Variants in BCKDHB observed in about 807,000 individuals in gnomAD.
The protein encoded by BCKDHB is branched chain keto acid dehydrogenase E1 subunit beta, also known as 2-oxoisovalerate dehydrogenase subunit beta, mitochondrial.
Under a neutral mutation model 48.5 loss-of-function variants are expected in BCKDHB, and 41 were observed. The ratio of observed to expected loss-of-function variants is 0.85; its 90% CI spans 0.66 to 1.10. BCKDHB has a LOEUF of 1.10. Among genes scored for constraint, BCKDHB ranks in the 50% least tolerant of loss-of-function variants. The pLI is 0.00. For synonymous variants in BCKDHB, 201 were observed against 174.8 expected (o/e 1.15, Z -1.18); for missense variants, 496 against 494.2 (o/e 1.00, Z -0.03).
downstream of BCKDHB, among the ~76,000 whole-genome samples, chr6:80,346,526 A>G (rs1244175192): frequency 3.3e-5 from 5 of 151,960 alleles, no homozygotes; most frequent in Non-Finnish European, 5.9e-5. Flanking sequence ...TCACCTCCCC[A>G]GTGTGTGGTG....
chr6:80,117,245 C>G (rs183052056), intron 1 of BCKDHB, among the ~76,000 whole-genome samples: 1 of 152,126 alleles, frequency 6.6e-6, no homozygotes, highest in Non-Finnish European at 1.5e-5. Context: ...CCTTTAAATA[C>G]CCTTACTGGT....
the BCKDHB span, among the ~76,000 whole-genome samples, chr6:80,463,418 A>G: frequency 6.6e-6 from 1 of 152,204 alleles, no homozygotes; most frequent in African/African-American, 2.4e-5. Context: ...GGTAGACTTC[A>G]AACAGGCTCA....
chr6:80,369,613 C>A, the BCKDHB span, among the ~76,000 whole-genome samples: 2 of 152,198 alleles, frequency 1.3e-5, no homozygotes, highest in East Asian at 3.8e-4. Flanking sequence ...GCCTTCTTGC[C>A]TGACTATGGT....
At chr6:80,198,977 A>G (rs566650685) in intron 6 of BCKDHB, among the ~76,000 whole-genome samples, 4 of 152,316 alleles carry the variant, frequency 2.6e-5, no homozygotes, top group East Asian at 1.9e-4. Context: ...TGAATCCTTG[A>G]TACTACTAAG....
At chr6:80,274,789 A>AT (rs1054139858) in intron 9 of BCKDHB, among the ~76,000 whole-genome samples, 3 of 152,064 alleles carry the variant, frequency 2.0e-5, no homozygotes, top group Non-Finnish European at 4.4e-5. Flanking sequence ...TTAATACAAC[A>AT]TTTTTTTAGA....
chr6:80,290,200 G>T (rs141584308), intron 9 of BCKDHB, among the ~76,000 whole-genome samples: 109 of 152,280 alleles, frequency 7.2e-4, no homozygotes, highest in African/African-American at 2.6e-3. Context: ...CAAGATCTGT[G>T]GCCAGCACTC....
At chr6:80,227,329 A>C (rs627968) in intron 8 of BCKDHB, among the ~76,000 whole-genome samples, 132,427 of 152,192 alleles carry the variant, frequency 0.87, 57,880 homozygotes, top group East Asian at 0.99. Flanking sequence ...TAGTCACTTA[A>C]ACCCTTAAAC....
chr6:80,232,523 G>T (rs575538869), intron 8 of BCKDHB, among the ~76,000 whole-genome samples: 1 of 150,582 alleles, frequency 6.6e-6, no homozygotes, highest in Non-Finnish European at 1.5e-5. Context: ...CCCCTTTTCA[G>T]TTATATACAT....
chr6:80,175,435 A>G (rs887856589), intron 6 of BCKDHB, among the ~76,000 whole-genome samples: 1 of 152,190 alleles, frequency 6.6e-6, no homozygotes, highest in Non-Finnish European at 1.5e-5. Context: ...CTCTACCACA[A>G]TTACTTGCAT....
At chr6:80,106,628 G>A, upstream of BCKDHB, 1 of 1,514,718 alleles carries the variant, frequency 6.6e-7, no homozygotes, top group Middle Eastern at 2.4e-4. Flanking sequence ...AGCCTCCTCG[G>A]GTGCTCCGCC....
chr6:80,423,737 T>G, the BCKDHB span, among the ~76,000 whole-genome samples: 1 of 152,230 alleles, frequency 6.6e-6, no homozygotes, highest in African/African-American at 2.4e-5. Flanking sequence ...TCATCTGAAC[T>G]TATAACAGTG....
chr6:80,366,467 A>C, the BCKDHB span, among the ~76,000 whole-genome samples: 3 of 152,190 alleles, frequency 2.0e-5, no homozygotes. Context: ...AAAAATCCAA[A>C]AGGAAAAGAA....
At position 80,203,184 on chromosome 6, in the gene BCKDHB, T is replaced by C. The variant is rs752945252; in HGVS notation, c.923T>C (p.Ile308Thr). The C allele has an allele frequency of 1.9e-6, 3 of 1,610,724 alleles. No individual in the cohort carries two copies. ...SCEVIDLRTI[I>T]PWDVDTICKS... ...GAAGTCATTGATCTGAGGACTATAATACCTTGGGATGTGGACACAATTTGT... is the reference window on the plus strand; with the variant it reads ...GAAGTCATTGATCTGAGGACTATAACACCTTGGGATGTGGACACAATTTGT... Residue 308 changes from isoleucine to threonine, a missense_variant, in exon 8 of 10, where the codon ATA (isoleucine) becomes ACA (threonine). Transcript: ENST00000320393.
At chr6:80,329,494 G>C (rs1484158883) in intron 9 of BCKDHB, among the ~76,000 whole-genome samples, 2 of 152,094 alleles carry the variant, frequency 1.3e-5, no homozygotes, top group Non-Finnish European at 2.9e-5. Context: ...GCCATGTAAA[G>C]TATGAAGACA....
chr6:80,111,945 C>A (rs1769433095), intron 1 of BCKDHB, among the ~76,000 whole-genome samples: 1 of 152,160 alleles, frequency 6.6e-6, no homozygotes, highest in Non-Finnish European at 1.5e-5. Flanking sequence ...ATCCTTAATT[C>A]CACCAGTATC....
At chr6:80,416,140 T>C in the BCKDHB span, among the ~76,000 whole-genome samples, 2 of 151,986 alleles carry the variant, frequency 1.3e-5, no homozygotes, top group African/African-American at 4.8e-5. Flanking sequence ...TTTCTGATGG[T>C]GTGTATTTGT....
the BCKDHB span, among the ~76,000 whole-genome samples, chr6:80,433,202 C>A: frequency 6.7e-6 from 1 of 150,048 alleles, no homozygotes; most frequent in Non-Finnish European, 1.5e-5. Flanking sequence ...GCTAGGAGGT[C>A]CTCTGCTCTT....
the BCKDHB span, among the ~76,000 whole-genome samples, chr6:80,408,464 C>T: frequency 2.0e-5 from 3 of 152,034 alleles, no homozygotes; most frequent in East Asian, 3.9e-4. Context: ...TGGTAGAATT[C>T]GGCTGTGAAT....
chr6:80,453,017 C>T, the BCKDHB span: 1 of 152,136 alleles, frequency 6.6e-6, no homozygotes, highest in Non-Finnish European at 1.5e-5. Flanking sequence ...TTCAGAAAAT[C>T]ACTATTATAA....
Sources: allele counts gnomAD v4.1 joint callset (sites outside exome capture counted in the v4.1 genomes callset), GRCh38; gene constraint gnomAD v4.1.1; transcripts MANE v1.5; gene names NCBI Gene and HGNC (gene_info 2026-07-23, HGNC 2026-07-21).